The following HUWE1 variants were observed in gnomAD, a reference collection of about 807,000 sequenced individuals.
HUWE1 encodes E3 ubiquitin-protein ligase HUWE1.
A neutral mutation model predicts 299.4 loss-of-function variants in HUWE1; 18 were observed. The observed-to-expected ratio is 0.06, with a 90% CI of 0.04 to 0.09. HUWE1 has a LOEUF of 0.09. Among genes scored for constraint, HUWE1 ranks in the 10% least tolerant of loss-of-function variants. HUWE1 has a pLI of 1.00. For synonymous variants in HUWE1, 1,317 were observed against 1,286.1 expected (o/e 1.02, Z -0.51); for missense variants, 1,832 against 3,462.3 (o/e 0.53, Z 11.82).
intron 19 of HUWE1, among the ~76,000 whole-genome samples, chrX:53,620,251 A>ATT (rs200512159): frequency 3.6e-5 from 3 of 84,328 alleles, no homozygotes; most frequent in Admixed American, 1.4e-4. Context: ...TGGAGCTTCC[A>ATT]TTTGTCTTTT....
intron 3 of HUWE1, among the ~76,000 whole-genome samples, chrX:53,655,147 T>C (rs2068685851): frequency 9.1e-6 from 1 of 109,627 alleles, no homozygotes; most frequent in Admixed American, 9.7e-5. Context: ...TGCACAGAGG[T>C]AGAAGTGGGT....
intron 56 of HUWE1, 58 bp downstream of exon 56, chrX:53,560,130 A>C (rs1363636066): frequency 2.1e-6 from 2 of 974,538 alleles, no homozygotes; most frequent in Non-Finnish European, 2.9e-6. Context: ...ACAATGCTAA[A>C]GCACAGTGAA....
At chrX:53,642,562 C>T (rs2067673490) in intron 7 of HUWE1, among the ~76,000 whole-genome samples, 1 of 111,819 alleles carries the variant, frequency 8.9e-6, no homozygotes, top group Admixed American at 9.5e-5. Context: ...GGAAATGATG[C>T]GATCTCACCT....
At chrX:53,673,666 T>C (rs1287311709) in intron 3 of HUWE1, among the ~76,000 whole-genome samples, 1 of 111,842 alleles carries the variant, frequency 8.9e-6, no homozygotes, top group Admixed American at 9.5e-5. Context: ...TGGCATCGTG[T>C]TGAAACTCAT....
intron 7 of HUWE1, among the ~76,000 whole-genome samples, chrX:53,636,458 C>T (rs995742310): frequency 1.2e-4 from 14 of 112,901 alleles, no homozygotes; most frequent in African/African-American, 4.2e-4. Context: ...TGGCTCATGC[C>T]TGTAATCCCA....
chrX:53,642,228 T>C (rs2067647673), intron 7 of HUWE1, among the ~76,000 whole-genome samples: 1 of 112,275 alleles, frequency 8.9e-6, no homozygotes, highest in Non-Finnish European at 1.9e-5. Context: ...GATTCCCTTC[T>C]ATCAAAGGTA....
In HUWE1 at chrX:53,563,034, T is replaced by G. The variant is rs191776333; in HGVS notation, c.7106-105A>C. The G allele has an allele frequency of 4.4e-5, 29 of 652,034 alleles. No homozygotes were observed. The East Asian group carries it at 9.7e-4, about 22-fold the overall frequency. The allele number at this position is 652,034 out of a possible 1,213,427, so 53.7% of individuals were successfully genotyped here. On this transcript the variant is annotated intron_variant, in intron 52 of 83. Coordinates refer to ENST00000262854, the MANE Select transcript of HUWE1 (RefSeq NM_031407.7). The stretch of plus-strand genomic sequence containing the variant: ...TACACCTAGCAGATATCCACTTTTT[T>G]TTGGATGAGGGAGAAGACCTGGATT...
chrX:53,553,033 T>A (rs2061828962), intron 61 of HUWE1, 140 bp from the exon 62 acceptor site: 2 of 642,968 alleles, frequency 3.1e-6, no homozygotes, highest in South Asian at 5.0e-5. Flanking sequence ...CCCCTCTCAA[T>A]CTCACTTTGA....
Position 53,577,179 on chromosome X carries a change from G to C in HUWE1, c.5717-112C>G, listed in dbSNP as rs1220915693. The C allele has an allele frequency of 1.2e-5, 7 of 572,467 alleles. No individual in the cohort carries two copies. The African/African-American group carries it at 1.6e-4, about 13-fold the overall frequency. The allele number at this position is 572,467 out of a possible 1,213,427, so 47.2% of individuals were successfully genotyped here. On this transcript the variant is annotated intron_variant, in intron 43 of 83. Transcript: ENST00000262854. ...ATGATATAGAAGGCTTGAGATAGGAGACCATTTTCAATTAATGTTCAAGTA... is the reference window on the plus strand; with the variant it reads ...ATGATATAGAAGGCTTGAGATAGGACACCATTTTCAATTAATGTTCAAGTA...
At chrX:53,539,147 C>A in intron 75 of HUWE1, 67 bp from the exon 76 acceptor site, 1 of 1,051,242 alleles carries the variant, frequency 9.5e-7, no homozygotes, top group South Asian at 2.0e-5. Context: ...ACCTCTTTGC[C>A]ATCATAAACA....
intron 2 of HUWE1, among the ~76,000 whole-genome samples, chrX:53,683,029 A>G (rs1265893829): frequency 8.9e-6 from 1 of 111,928 alleles, no homozygotes; most frequent in Admixed American, 9.5e-5. Flanking sequence ...GAGGAAATGG[A>G]AGGCTACTAT....
chrX:53,668,003 T>C (rs1175556055), intron 3 of HUWE1, among the ~76,000 whole-genome samples: 2 of 111,246 alleles, frequency 1.8e-5, no homozygotes, highest in South Asian at 3.8e-4. Flanking sequence ...GGTATTTTTT[T>C]CCCAAAGCCA....
chrX:53,533,276 A>T lies in HUWE1; in HGVS notation c.*33T>A, dbSNP rs1282537770. 1 of 966,355 alleles carries T rather than the reference A, an allele frequency of 1.0e-6. No individual in the cohort carries two copies. The highest frequency in any genetic ancestry group is 1.5e-6 in the Non-Finnish European group (1 of 680,538). 79.6% of individuals were successfully genotyped at this position (966,355 alleles called of 1,213,427 possible). A position where few individuals can be genotyped will look rare whatever the true frequency, so the allele number is the denominator to read the frequency against. ...CCCCCTCCCCAGGTCCAACAATGGTAAAAAAAACCCCACGGAGTTGGGCAG... is the reference window on the plus strand; with the variant it reads ...CCCCCTCCCCAGGTCCAACAATGGTTAAAAAAACCCCACGGAGTTGGGCAG... On this transcript the variant is annotated 3_prime_UTR_variant, in exon 84 of 84. Transcript: ENST00000262854.
rs782432555 is a variant in HUWE1 at position 53,562,387 on chromosome X, TA to T, written c.7205-144del. ...CCAGATCTGGGGTGATGTACAGACT[TA>T]GTGAGCCAGACCCGATTTCCTGAGA... On this transcript the variant is annotated intron_variant, in intron 53 of 83. Coordinates refer to ENST00000262854, the MANE Select transcript of HUWE1 (RefSeq NM_031407.7). 11 of 774,636 alleles carry T rather than the reference TA, an allele frequency of 1.4e-5. No homozygotes were observed. In the East Asian group the frequency reaches 3.2e-4, roughly 22 times the overall value. The allele number at this position is 774,636 out of a possible 1,213,427, so 63.8% of individuals were successfully genotyped here.
chrX:53,562,998 A>G, intron 52 of HUWE1, 69 bp from the exon 53 acceptor site: 2 of 923,100 alleles, frequency 2.2e-6, no homozygotes, highest in Non-Finnish European at 3.1e-6. Flanking sequence ...GGTGCGTCTA[A>G]AGTAGCTATG....
At chrX:53,563,024 T>C (rs999091041) in intron 52 of HUWE1, 95 bp from the exon 53 acceptor site, 28 of 721,262 alleles carry the variant, frequency 3.9e-5, no homozygotes, top group Admixed American at 7.1e-5. Flanking sequence ...CTAGCAGATA[T>C]CCACTTTTTT....
chrX:53,619,498 A>C (rs2065993148), intron 19 of HUWE1, among the ~76,000 whole-genome samples: 1 of 108,423 alleles, frequency 9.2e-6, no homozygotes, highest in South Asian at 4.1e-4. Flanking sequence ...CGCACAGAGC[A>C]ACCAGCTGTG....
intron 3 of HUWE1, among the ~76,000 whole-genome samples, chrX:53,657,832 A>T (rs1242009009): frequency 1.8e-5 from 2 of 109,668 alleles, no homozygotes; most frequent in Non-Finnish European, 3.8e-5. Flanking sequence ...GGCGGATCAC[A>T]AGGTCAGGAG....
chrX:53,555,081 G>A (rs935754926), intron 60 of HUWE1, among the ~76,000 whole-genome samples, 161 bp from the exon 61 acceptor site: 1 of 111,529 alleles, frequency 9.0e-6, no homozygotes, highest in Non-Finnish European at 1.9e-5. Context: ...GGTATACTAA[G>A]GATGAAGGTT....
Sources: gnomAD v4.1 joint callset for allele counts (sites outside exome capture counted in the v4.1 genomes callset) on GRCh38, gnomAD v4.1.1 for gene constraint, MANE v1.5 for transcripts, NCBI Gene and HGNC (gene_info 2026-07-23, HGNC 2026-07-21) for gene names.